The following VPS54 variants were observed in gnomAD, a reference collection of about 807,000 sequenced individuals.
VPS54 encodes the protein VPS54 subunit of GARP complex.
In VPS54, 45 loss-of-function variants were observed where a neutral mutation model predicts 121.5. That is an observed-to-expected ratio of 0.37 (90% CI 0.29 to 0.47). The LOEUF (loss-of-function observed/expected upper bound fraction) is 0.47, where lower values mean the gene tolerates loss of function less well. VPS54 is among the 20% of genes least tolerant of loss of function. VPS54 has a pLI of 0.99. For synonymous variants in VPS54, 371 were observed against 385.8 expected (o/e 0.96, Z 0.45); for missense variants, 1,090 against 1,131.4 (o/e 0.96, Z 0.52).
At chr2:63,933,025 G>C (rs984702357) in intron 12 of VPS54, among the ~76,000 whole-genome samples, 5 of 152,064 alleles carry the variant, frequency 3.3e-5, no homozygotes, top group African/African-American at 1.2e-4. Flanking sequence ...TAACATAAGA[G>C]ATAAAGACAA....
chr2:63,957,238 C>T (rs189662811), intron 7 of VPS54, among the ~76,000 whole-genome samples: 8 of 151,998 alleles, frequency 5.3e-5, no homozygotes, highest in Admixed American at 3.3e-4. Context: ...GTCAGGAGAT[C>T]GAGGCCATCC....
At chr2:63,905,426 T>G (rs972963472) in intron 20 of VPS54, among the ~76,000 whole-genome samples, 1 of 151,808 alleles carries the variant, frequency 6.6e-6, no homozygotes, top group Non-Finnish European at 1.5e-5. Context: ...GCTTCCAAGT[T>G]AATAACAGAT....
chr2:63,897,568 G>C lies in VPS54; in HGVS notation c.2756C>G (p.Ala919Gly), dbSNP rs1190057411. ...CTTTTTCAAGTGGAGTTTATAACTT[G>C]CATTAATTCTTAAAAATAACATCTG... is the stretch of plus-strand genomic sequence containing the variant. The part of the protein sequence containing the change: ...QTQMLFLRIN[A>G]SYKLHLKKQL... The change falls in exon 22 of 23, where the codon GCA (alanine) becomes GGA (glycine). Residue 919 changes from alanine (A) to glycine (G), a missense_variant. By Grantham distance (60) the Ala-to-Gly change is moderately conservative. This residue lies in a region of VPS54 where 289 missense variants were observed against 374.4 expected (regional missense o/e 0.77). Coordinates refer to ENST00000272322, the MANE Select transcript of VPS54 (RefSeq NM_016516.3). The C allele has an allele frequency of 8.2e-6, 13 of 1,578,126 alleles. No individual in the cohort carries two copies. In the Admixed American group the frequency reaches 2.1e-4, roughly 26 times the overall value.
chr2:63,936,179 G>A (rs1674443951), intron 11 of VPS54, among the ~76,000 whole-genome samples: 1 of 151,798 alleles, frequency 6.6e-6, no homozygotes, highest in East Asian at 1.9e-4. Context: ...TAACATCTTC[G>A]CTTATACAGT....
rs1397638306 is a variant in VPS54 at position 63,956,162 on chromosome 2, G to T, written c.1010+5896C>A. On this transcript the variant is annotated intron_variant, in intron 7 of 22. Transcript: ENST00000272322. The stretch of plus-strand genomic sequence containing the variant: ...GAATTCTAGTTTCATCAAATAGTAA[G>T]AAGTCTGATTTCTTCATCACAAAAC... Among the ~76,000 whole-genome samples the T allele has an allele frequency of 3.9e-5, 6 of 152,188 alleles. No individual in the cohort carries two copies. In the East Asian group the frequency reaches 1.2e-3, roughly 29 times the overall value.
intron 1 of VPS54, among the ~76,000 whole-genome samples, chr2:63,991,496 C>T (rs1371649566): frequency 6.6e-6 from 1 of 152,184 alleles, no homozygotes; most frequent in African/African-American, 2.4e-5. Context: ...AAACTGGCCC[C>T]ACTAATTCTT....
At chr2:63,966,512 T>C (rs1208856086) in intron 5 of VPS54, among the ~76,000 whole-genome samples, 1 of 152,212 alleles carries the variant, frequency 6.6e-6, no homozygotes, top group Non-Finnish European at 1.5e-5. Context: ...TTTGTAAATA[T>C]ACCTTGAATC....
intron 11 of VPS54, among the ~76,000 whole-genome samples, chr2:63,941,924 C>T (rs1032496414): frequency 3.3e-5 from 5 of 150,920 alleles, no homozygotes; most frequent in Non-Finnish European, 5.9e-5. Flanking sequence ...ATCCTAGCTA[C>T]TCGGGAGGCT....
intron 3 of VPS54, chr2:63,974,847 T>G (rs1676450574): frequency 2.1e-6 from 2 of 944,992 alleles, no homozygotes; most frequent in South Asian, 2.8e-5. Flanking sequence ...TCTTTGGGAT[T>G]TTCCACATAG....
intron 1 of VPS54, among the ~76,000 whole-genome samples, chr2:64,011,078 A>G (rs1462739498): frequency 1.3e-5 from 2 of 152,252 alleles, no homozygotes; most frequent in African/African-American, 2.4e-5. Flanking sequence ...AATTATAACA[A>G]TTTGTAATGT....
chr2:63,927,381 G>C (rs1228424329), intron 12 of VPS54, among the ~76,000 whole-genome samples: 1 of 152,208 alleles, frequency 6.6e-6, no homozygotes, highest in Non-Finnish European at 1.5e-5. Context: ...GGTCTGGAGT[G>C]GACCTCCAGC....
chr2:63,982,811 T>G (rs1303892638), intron 2 of VPS54, among the ~76,000 whole-genome samples: 1 of 152,042 alleles, frequency 6.6e-6, no homozygotes, highest in African/African-American at 2.4e-5. Context: ...AAAAGAACAT[T>G]AGTTTATAGT....
At chr2:63,910,786 C>T (rs2104428076) in intron 20 of VPS54, among the ~76,000 whole-genome samples, 1 of 152,210 alleles carries the variant, frequency 6.6e-6, no homozygotes, top group South Asian at 2.1e-4. Context: ...GTCACTGTGA[C>T]AATTCTTATT....
intron 1 of VPS54, among the ~76,000 whole-genome samples, chr2:64,007,571 G>GA (rs933514253): frequency 8.5e-5 from 13 of 152,248 alleles, no homozygotes; most frequent in Non-Finnish European, 1.0e-4. Flanking sequence ...TTACTTTGGA[G>GA]AAAAAATATT....
At chr2:63,976,218 T>C (rs1676519821) in intron 3 of VPS54, among the ~76,000 whole-genome samples, 1 of 151,894 alleles carries the variant, frequency 6.6e-6, no homozygotes, top group Admixed American at 6.6e-5. Flanking sequence ...GTTGTGGTGG[T>C]GCTCGCCTGC....
chr2:63,979,109 C>CT (rs1237867126), intron 3 of VPS54, among the ~76,000 whole-genome samples: 5 of 151,122 alleles, frequency 3.3e-5, no homozygotes, highest in Non-Finnish European at 7.4e-5. Flanking sequence ...TTTATCTTCT[C>CT]TTTTTTTCCT....
At chr2:63,982,816 T>C (rs1457433290) in intron 2 of VPS54, among the ~76,000 whole-genome samples, 1 of 152,172 alleles carries the variant, frequency 6.6e-6, no homozygotes, top group East Asian at 1.9e-4. Flanking sequence ...AACATTAGTT[T>C]ATAGTATGAG....
At chr2:63,898,421 G>C (rs1672533497) in intron 21 of VPS54, among the ~76,000 whole-genome samples, 1 of 152,194 alleles carries the variant, frequency 6.6e-6, no homozygotes, top group Non-Finnish European at 1.5e-5. Flanking sequence ...TCAGTCCTCA[G>C]TGAGTCCCAA....
intron 5 of VPS54, among the ~76,000 whole-genome samples, chr2:63,966,845 G>A (rs766480843): frequency 2.6e-5 from 4 of 152,136 alleles, no homozygotes; most frequent in Admixed American, 2.6e-4. Context: ...TACAATGAGT[G>A]TATTAATACA....
Sources: gnomAD v4.1 joint callset for allele counts (sites outside exome capture counted in the v4.1 genomes callset) on GRCh38, gnomAD v4.1.1 for gene constraint, gnomAD v4.1.1 regional missense constraint, MANE v1.5 for transcripts, NCBI Gene and HGNC (gene_info 2026-07-23, HGNC 2026-07-21) for gene names.